Variants in TACC1 observed in about 807,000 individuals in gnomAD.
TACC1 encodes transforming acidic coiled-coil containing protein 1, also known as transforming acidic coiled-coil-containing protein 1.
A neutral mutation model predicts 84.4 loss-of-function variants in TACC1; 48 were observed. The observed-to-expected ratio is 0.57, with a 90% CI of 0.45 to 0.72. TACC1 has a LOEUF of 0.72. TACC1 is among the 30% of genes least tolerant of loss of function. The probability of loss-of-function intolerance (pLI) is 0.00; values close to 1 mark genes in which losing one functional copy is unlikely to be tolerated. For synonymous variants in TACC1, 372 were observed against 376.3 expected, an observed-to-expected ratio of 0.99 and a Z score of 0.13; for missense variants, 920 against 973.0, an observed-to-expected ratio of 0.95 and a Z score of 0.72.
intron 2 of TACC1, among the ~76,000 whole-genome samples, chr8:38,792,795 T>C (rs1218752375): frequency 6.6e-6 from 1 of 152,146 alleles, no homozygotes; most frequent in Non-Finnish European, 1.5e-5. Context: ...AGATAGGGTC[T>C]TGCTATGTTG....
intron 6 of TACC1, among the ~76,000 whole-genome samples, chr8:38,833,275 G>C (rs1188987087): frequency 6.6e-6 from 1 of 152,176 alleles, no homozygotes; most frequent in Non-Finnish European, 1.5e-5. Flanking sequence ...GGGCTTTACT[G>C]CCCCAACCAG....
rs1817454858 is a variant in TACC1, at chr8:38,787,310, A to C, written c.-273A>C. On this transcript the variant is annotated 5_prime_UTR_variant, in exon 1 of 13. Coordinates refer to ENST00000317827, the MANE Select transcript of TACC1 (RefSeq NM_006283.3). Reference sequence around the variant, plus strand: ...CGCGGGCCGGGGGCCTGAGGAGGCCACAGGACGGGCGTCTTCCCGGCTAGT... The same window carrying C: ...CGCGGGCCGGGGGCCTGAGGAGGCCCCAGGACGGGCGTCTTCCCGGCTAGT... 6 of 1,198,824 alleles carry C rather than the reference A, an allele frequency of 5.0e-6. No individual in the cohort carries two copies. Among genetic ancestry groups the C allele is most frequent in the African/African-American group, 4.8e-5 (3 of 62,562 alleles). 74.3% of individuals were successfully genotyped at this position (1,198,824 alleles called of 1,614,324 possible). A position where few individuals can be genotyped will look rare whatever the true frequency, so the allele number is the denominator to read the frequency against.
chr8:38,838,432 T>C (rs376802054), intron 7 of TACC1, 38 bp from the exon 8 acceptor site: 20 of 1,498,396 alleles, frequency 1.3e-5, no homozygotes, highest in South Asian at 3.4e-5. Context: ...ATGCAAATTG[T>C]AATAGATTGG....
chr8:38,823,441 TAAG>T (rs1205154997), intron 3 of TACC1, among the ~76,000 whole-genome samples: 9 of 152,166 alleles, frequency 5.9e-5, no homozygotes, highest in African/African-American at 9.7e-5. Flanking sequence ...CTGAAGTTGA[TAAG>T]GAGTCATTTG....
At chr8:38,745,180 C>T (rs751870235) in exon 3 of TACC1, 7 of 310,124 alleles carry the variant, frequency 2.3e-5, no homozygotes, top group Non-Finnish European at 2.4e-5. Context: ...AACCCCTGAC[C>T]CACATACACA....
rs958635908 is a variant in TACC1 at position 38,787,360 on chromosome 8, G to T, written c.-223G>T. On this transcript the variant is annotated 5_prime_UTR_variant, in exon 1 of 13. Coordinates refer to ENST00000317827, the MANE Select transcript of TACC1 (RefSeq NM_006283.3). ...TGGAGCCCGGCGCGGGGCCCGCTGC[G>T]GCCGCACCGTGAGGGGAGGAGGCCG... is the stretch of plus-strand genomic sequence containing the variant. 15 of 1,312,406 alleles carry T rather than the reference G, an allele frequency of 1.1e-5. No homozygotes were observed. In the African/African-American group the frequency reaches 2.2e-4, roughly 19 times the overall value. The allele number at this position is 1,312,406 out of a possible 1,614,324, so 81.3% of individuals were successfully genotyped here.
chr8:38,814,455 G>A (rs150784818), intron 2 of TACC1, among the ~76,000 whole-genome samples: 11 of 152,264 alleles, frequency 7.2e-5, no homozygotes, highest in Non-Finnish European at 1.5e-4. Context: ...CAAATACTTA[G>A]CATTGTGTTA....
intron 8 of TACC1, 165 bp from the exon 9 acceptor site, chr8:38,840,059 T>TAAAAAAAA (rs11440274): frequency 1.1e-5 from 2 of 189,306 alleles, no homozygotes; most frequent in Non-Finnish European, 1.9e-5. Context: ...TTATATAATG[T>TAAAAAAAA]AAAAAAAAAA....
chr8:38,828,745 C>A (rs1320391077), intron 5 of TACC1, among the ~76,000 whole-genome samples: 5 of 152,182 alleles, frequency 3.3e-5, no homozygotes, highest in Admixed American at 3.3e-4. Flanking sequence ...CTCCCTGCTT[C>A]TGCTGTGTCC....
intron 9 of TACC1, 36 bp downstream of exon 9, chr8:38,840,303 C>T (rs1419506978): frequency 3.2e-6 from 5 of 1,582,698 alleles, no homozygotes; most frequent in Non-Finnish European, 4.3e-6. Context: ...GGGTATGAGC[C>T]ATAGGATCTG....
At chr8:38,763,854 C>T (rs1811698279) in intron 3 of TACC1, among the ~76,000 whole-genome samples, 1 of 151,990 alleles carries the variant, frequency 6.6e-6, no homozygotes, top group Non-Finnish European at 1.5e-5. Context: ...ATCATTTTTG[C>T]TCATATAAAC....
At chr8:38,731,535 A>G (rs1001198765) in intron 1 of TACC1, among the ~76,000 whole-genome samples, 3 of 152,228 alleles carry the variant, frequency 2.0e-5, no homozygotes, top group South Asian at 2.1e-4. Flanking sequence ...TGTTAACCCA[A>G]GGAAAAGTAG....
At chr8:38,747,214 A>G (rs1357587356) in intron 3 of TACC1, among the ~76,000 whole-genome samples, 2 of 152,254 alleles carry the variant, frequency 1.3e-5, no homozygotes, top group African/African-American at 2.4e-5. Flanking sequence ...AAATGCTGGT[A>G]AGGATGTGGA....
chr8:38,732,399 C>A, intron 1 of TACC1, among the ~76,000 whole-genome samples: 1 of 150,418 alleles, frequency 6.6e-6, no homozygotes, highest in South Asian at 2.1e-4. Flanking sequence ...AATTTAAGAG[C>A]TAAATATAGC....
chr8:38,820,373 C>G lies in TACC1; in HGVS notation c.1129C>G (p.Leu377Val), dbSNP rs138782182. ...AGACCCAGTGGCACGAGACGGGCCT[C>G]TCTCCCAAACATCTTCCAAGCCAGA... is the stretch of plus-strand genomic sequence containing the variant. ...PTDPVARDGP[L>V]SQTSSKPDPS... Residue 377 changes from leucine to valine, a missense_variant, in exon 3 of 13, where the codon CTC becomes GTC. Physicochemically the swap from Leu to Val is conservative, Grantham distance 32 (BLOSUM62 1). Around this residue, in one of 2 missense-constraint regions of TACC1, gnomAD observed 762 missense variants for 747.3 expected, o/e 1.02. Coordinates refer to ENST00000317827, the MANE Select transcript of TACC1 (RefSeq NM_006283.3). The G allele has an allele frequency of 2.0e-4, 315 of 1,614,144 alleles. 1 individual carries two copies. In the African/African-American group the frequency reaches 3.5e-3, roughly 18 times the overall value.
At chr8:38,797,902 A>T (rs905076606) in intron 2 of TACC1, among the ~76,000 whole-genome samples, 1 of 151,972 alleles carries the variant, frequency 6.6e-6, no homozygotes, top group African/African-American at 2.4e-5. Flanking sequence ...GTGGAAGGGG[A>T]TTTCTACTCT....
At position 38,821,944 on chromosome 8, in the gene TACC1, G is replaced by A. The variant is rs569793730; in HGVS notation, c.1391+1309G>A. Among the ~76,000 whole-genome samples, 8 of 152,258 alleles carry A rather than the reference G, an allele frequency of 5.3e-5. No individual in the cohort carries two copies. In the South Asian group the frequency reaches 1.7e-3, roughly 32 times the overall value. ...ACATTATTGTACTGAATAGGTGCTA[G>A]GTGTGGTGGCTTACACCTGTAATCC... On this transcript the variant is annotated intron_variant, in intron 3 of 12. Transcript: ENST00000317827.
chr8:38,779,339 A>G (rs2151935647), intron 3 of TACC1, among the ~76,000 whole-genome samples: 1 of 152,296 alleles, frequency 6.6e-6, no homozygotes, highest in East Asian at 1.9e-4. Flanking sequence ...TGAGCATTTC[A>G]CACTTTGGTC....
chr8:38,751,843 A>G (rs1355464477), intron 3 of TACC1, among the ~76,000 whole-genome samples: 1 of 152,190 alleles, frequency 6.6e-6, no homozygotes, highest in Admixed American at 6.5e-5. Context: ...CGAGAATACT[A>G]AAAGTGCCTA....
Sources: allele counts gnomAD v4.1 joint callset (sites outside exome capture counted in the v4.1 genomes callset), GRCh38; gene constraint gnomAD v4.1.1; regional missense constraint gnomAD v4.1.1; transcripts MANE v1.5; gene names NCBI Gene and HGNC (gene_info 2026-07-23, HGNC 2026-07-21).